The following KCNMB3 variants were observed in gnomAD, a reference collection of about 807,000 sequenced individuals.
The protein encoded by KCNMB3 is calcium-activated potassium channel subunit beta-3.
A neutral mutation model predicts 11.9 loss-of-function variants in KCNMB3; 18 were observed. That is an observed-to-expected ratio of 1.51 (90% CI 1.04 to 2.23). The LOEUF is 2.23. Ranked by LOEUF, KCNMB3 falls within the 30% of genes most tolerant of loss-of-function variation. KCNMB3 has a pLI of 0.00. For missense variants in KCNMB3, 247 were observed against 329.4 expected, an observed-to-expected ratio of 0.75 and a Z score of 1.94; for synonymous variants, 78 against 119.2, an observed-to-expected ratio of 0.65 and a Z score of 2.25.
At chr3:179,263,052 G>A (rs528163775) in intron 1 of KCNMB3, among the ~76,000 whole-genome samples, 10 of 152,360 alleles carry the variant, frequency 6.6e-5, no homozygotes, top group East Asian at 3.9e-4. Flanking sequence ...GCGTGTGCCC[G>A]CACTCCTCAG....
chr3:179,245,750 T>G (rs1725620057), intron 1 of KCNMB3, among the ~76,000 whole-genome samples: 1 of 152,190 alleles, frequency 6.6e-6, no homozygotes, highest in Non-Finnish European at 1.5e-5. Flanking sequence ...CCTCCCACCT[T>G]GGCCTCCCAA....
chr3:179,265,655 A>G (rs573321170), intron 1 of KCNMB3, among the ~76,000 whole-genome samples: 27 of 152,240 alleles, frequency 1.8e-4, no homozygotes, highest in African/African-American at 6.5e-4. Flanking sequence ...ACGGGGTTTC[A>G]CCATGTTGGC....
chr3:179,261,777 T>C (rs1726225062), intron 1 of KCNMB3, among the ~76,000 whole-genome samples: 1 of 151,866 alleles, frequency 6.6e-6, no homozygotes, highest in Non-Finnish European at 1.5e-5. Context: ...GCTAATACTC[T>C]GAAGTTTTCA....
At chr3:179,242,415 C>T (rs1725486995), downstream of KCNMB3, 1 of 148,410 alleles carries the variant, frequency 6.7e-6, no homozygotes, top group Non-Finnish European at 1.5e-5. Flanking sequence ...AAAAAAAAAA[C>T]TATAATAAAT....
chr3:179,242,973 A>T lies in KCNMB3; in HGVS notation c.759T>A (p.Pro253=). 4 of 1,605,106 alleles carry T rather than the reference A, an allele frequency of 2.5e-6. No individual in the cohort carries two copies. Among genetic ancestry groups the T allele is most frequent in the Non-Finnish European group, 3.4e-6 (4 of 1,177,516 alleles). ...GTTTGAACTGATGCTGTTCTATATA[A>T]GGTACTTTTCCACCTACCTCATCTC... ...VVRDEVGGKV[P]YIEQHQFKLC... The change falls in exon 3 of 3, where the codon CCT becomes CCA. Residue 253 remains proline, a synonymous_variant. Coordinates refer to ENST00000392685, the MANE Select transcript of KCNMB3 (RefSeq NM_171830.2).
upstream of KCNMB3, among the ~76,000 whole-genome samples, chr3:179,255,242 A>G (rs1189464571): frequency 1.3e-5 from 2 of 151,830 alleles, no homozygotes; most frequent in African/African-American, 4.8e-5. Context: ...AAGGCGTTTG[A>G]GTGCAAAAAA....
At chr3:179,260,976 A>ACG in intron 1 of KCNMB3, 2 of 1,007,730 alleles carry the variant, frequency 2.0e-6, no homozygotes, top group Non-Finnish European at 3.1e-6. Flanking sequence ...TCCCTGATGG[A>ACG]CGCCTCGGTG....
At chr3:179,249,305 G>A (rs1295917334) in intron 1 of KCNMB3, among the ~76,000 whole-genome samples, 2 of 146,564 alleles carry the variant, frequency 1.4e-5, no homozygotes, top group Admixed American at 6.9e-5. Flanking sequence ...GAGCCACCGC[G>A]CCTGGCCCAA....
chr3:179,256,871 A>G (rs538822296), intron 1 of KCNMB3, among the ~76,000 whole-genome samples: 27 of 152,332 alleles, frequency 1.8e-4, no homozygotes, highest in African/African-American at 6.5e-4. Context: ...GTTAAAAGAT[A>G]GAGAGTAGGG....
chr3:179,259,655 A>G, intron 1 of KCNMB3: 10 of 1,609,228 alleles, frequency 6.2e-6, no homozygotes, highest in African/African-American at 1.3e-5. Flanking sequence ...CTGTGTTCTG[A>G]TAAGTTAACT....
chr3:179,248,727 CAA>C (rs543706677), intron 1 of KCNMB3, among the ~76,000 whole-genome samples: 30 of 80,202 alleles, frequency 3.7e-4, no homozygotes, highest in Admixed American at 4.3e-4. Flanking sequence ...CACCCTGCTT[CAA>C]AAAAAAAAAA....
chr3:179,245,535 G>A (rs764724391), intron 1 of KCNMB3, among the ~76,000 whole-genome samples: 15 of 151,290 alleles, frequency 9.9e-5, no homozygotes, highest in Non-Finnish European at 1.9e-4. Context: ...ATGGAGTTTC[G>A]CTCTTGTTGC....
intron 1 of KCNMB3, among the ~76,000 whole-genome samples, chr3:179,245,157 A>C (rs1048593553): frequency 1.3e-5 from 2 of 152,168 alleles, no homozygotes; most frequent in African/African-American, 4.8e-5. Context: ...TGTAACCACC[A>C]AGATTCACCC....
chr3:179,260,089 G>A, intron 1 of KCNMB3: 2 of 1,608,084 alleles, frequency 1.2e-6, no homozygotes, highest in Non-Finnish European at 1.7e-6. Context: ...CTGTCATCAT[G>A]ATAAACTGTG....
At chr3:179,243,868 G>A (rs933285245) in intron 2 of KCNMB3, among the ~76,000 whole-genome samples, 4 of 152,252 alleles carry the variant, frequency 2.6e-5, no homozygotes, top group African/African-American at 9.6e-5. Flanking sequence ...TTAGGTACTT[G>A]AGGTACTGTG....
intron 1 of KCNMB3, chr3:179,261,286 G>T: frequency 7.8e-7 from 1 of 1,274,678 alleles, no homozygotes; most frequent in Non-Finnish European, 1.0e-6. Context: ...TGCTGGGCTC[G>T]GCCCGCTCCA....
chr3:179,249,733 T>C (rs1258337463), intron 1 of KCNMB3, among the ~76,000 whole-genome samples: 6 of 152,116 alleles, frequency 3.9e-5, no homozygotes, highest in Admixed American at 3.9e-4. Context: ...TGCGGGGACA[T>C]AGATGAAATG....
At chr3:179,241,570 C>T (rs533691167), downstream of KCNMB3, 4 of 153,122 alleles carry the variant, frequency 2.6e-5, no homozygotes, top group East Asian at 3.9e-4. Flanking sequence ...TTCCACTGTC[C>T]ATAATTTAAG....
chr3:179,263,419 C>T (rs1014433534), intron 1 of KCNMB3, among the ~76,000 whole-genome samples: 2 of 152,242 alleles, frequency 1.3e-5, no homozygotes, highest in Non-Finnish European at 2.9e-5. Flanking sequence ...GCTGAGGGAG[C>T]CGGCTCTAGC....
Sources: allele counts gnomAD v4.1 joint callset (sites outside exome capture counted in the v4.1 genomes callset), GRCh38; gene constraint gnomAD v4.1.1; transcripts MANE v1.5; gene names NCBI Gene and HGNC (gene_info 2026-07-23, HGNC 2026-07-21).